P3H3: variants seen among roughly 807,000 people sequenced by gnomAD.
P3H3 encodes the protein prolyl 3-hydroxylase 3.
A neutral mutation model predicts 78.1 loss-of-function variants in P3H3; 64 were observed. That is an observed-to-expected ratio of 0.82 (90% CI 0.67 to 1.01). P3H3 has a LOEUF of 1.01. Among genes scored for constraint, P3H3 ranks in the 50% least tolerant of loss-of-function variants. P3H3 has a pLI of 0.00. For missense variants in P3H3, 975 were observed against 982.2 expected (o/e 0.99, Z 0.10); for synonymous variants, 425 against 416.7 (o/e 1.02, Z -0.24).
rs782738748 is a variant in P3H3 at position 6,831,519 on chromosome 12, C to T, written c.1122+167C>T. ...TTCCGTCTCCACTCCCTGCTCCCCACGGCAGCCTGGAGTTCCGATTCCAGC... is the reference window on the plus strand; with the variant it reads ...TTCCGTCTCCACTCCCTGCTCCCCATGGCAGCCTGGAGTTCCGATTCCAGC... On this transcript the variant is annotated intron_variant, in intron 5 of 14. Transcript: ENST00000290510. The surrounding 1 kb of genome is among the most constrained non-coding windows in gnomAD (Gnocchi z 4.6). 2.0e-5 allele frequency among the ~76,000 whole-genome samples: 3 copies of T among 152,070 alleles called. No homozygotes were observed. Among genetic ancestry groups the T allele is most frequent in the East Asian group, 1.9e-4 (1 of 5,196 alleles).
rs373115357 is a variant in P3H3 at position 6,833,555 on chromosome 12, C to T, written c.1213-37C>T. The T allele has an allele frequency of 3.1e-5, 50 of 1,603,324 alleles. No homozygotes were observed. In the African/African-American group the frequency reaches 6.0e-4, roughly 19 times the overall value. On this transcript the variant is annotated intron_variant, in intron 6 of 14. Coordinates refer to ENST00000290510, the MANE Select transcript of P3H3 (RefSeq NM_014262.5). The stretch of plus-strand genomic sequence containing the variant: ...TAATGTCAGGGATTCCAGGGGCTGA[C>T]CTTGGTGGGTGATGATGCTTTTCTG...
At position 6,828,438 on chromosome 12, in the gene P3H3, A is replaced by G. The variant is rs1428229886; in HGVS notation, c.-3A>G. The G allele has an allele frequency of 7.8e-5, 56 of 717,056 alleles. No individual in the cohort carries two copies. Among genetic ancestry groups the G allele is most frequent in the Middle Eastern group, 7.4e-4 (2 of 2,710 alleles). The allele number at this position is 717,056 out of a possible 1,614,324, so 44.4% of individuals were successfully genotyped here. A position where few individuals can be genotyped will look rare whatever the true frequency, so the allele number is the denominator to read the frequency against. Reference sequence around the variant, plus strand: ...CCCCTCGGCTGCCGGCGGCTCCGACATCATGCTCCGGCTCCTCCGGCCGCT... The same window carrying G: ...CCCCTCGGCTGCCGGCGGCTCCGACGTCATGCTCCGGCTCCTCCGGCCGCT... On this transcript the variant is annotated 5_prime_UTR_variant, in exon 1 of 15. Transcript: ENST00000290510.
intron 10 of P3H3, 128 bp downstream of exon 10, chr12:6,837,214 C>A: frequency 1.0e-6 from 1 of 998,486 alleles, no homozygotes; most frequent in Non-Finnish European, 1.5e-6. Flanking sequence ...CCTGATAGGA[C>A]CCAGCGTGGA....
Position 6,839,097 on chromosome 12 carries a change from C to G in P3H3, c.2003C>G (p.Ala668Gly). 6.2e-7 allele frequency: 1 copy of G among 1,609,592 alleles called. No homozygotes were observed. Among genetic ancestry groups the G allele is most frequent in the East Asian group, 2.2e-5 (1 of 44,858 alleles). ...VWAVTRGRRCALALWHTWAPE... is the reference protein window; with the variant it reads ...VWAVTRGRRCGLALWHTWAPE... ...GCCGTGACTCGGGGACGGCGCTGTG[C>G]CCTGGCACTGTGGCACACGTGGGCA... Residue 668 changes from alanine to glycine, a missense_variant, in exon 14 of 15, where the codon GCC becomes GGC. Ala to Gly is a moderately conservative substitution (Grantham distance 60, BLOSUM62 0). Coordinates refer to ENST00000290510, the MANE Select transcript of P3H3 (RefSeq NM_014262.5).
Position 6,837,417 on chromosome 12 carries a change from C to T in P3H3, c.1561-6C>T, listed in dbSNP as rs782436902. 1 of 1,608,368 alleles carries T rather than the reference C, an allele frequency of 6.2e-7. No individual in the cohort carries two copies. Among genetic ancestry groups the T allele is most frequent in the Admixed American group, 1.7e-5 (1 of 59,148 alleles). On this transcript the variant is annotated splice_region_variant and splice_polypyrimidine_tract_variant and intron_variant, in intron 10 of 14. Coordinates refer to ENST00000290510, the MANE Select transcript of P3H3 (RefSeq NM_014262.5). ...CCTTTTCTGCCCTGCCTTTCACTGC[C>T]TGCAGCTGGCCCGGGCTGGGACAGT...
At position 6,829,404 on chromosome 12, in the gene P3H3, G is replaced by A. The variant is rs1943422456; in HGVS notation, c.499-455G>A. On this transcript the variant is annotated intron_variant, in intron 1 of 14. Coordinates refer to ENST00000290510, the MANE Select transcript of P3H3 (RefSeq NM_014262.5). The surrounding 1 kb of genome is among the most constrained non-coding windows in gnomAD (Gnocchi z 5.1). ...CCTCCGAGGCCAGACCTCTGCGGGC[G>A]GGGAGGGGACAGCACGCCGCAGCCG... The A allele has an allele frequency of 4.3e-6, 1 of 233,856 alleles. No homozygotes were observed. The highest frequency in any genetic ancestry group is 2.3e-5 in the African/African-American group (1 of 42,710). The allele number at this position is 233,856 out of a possible 1,614,324, so 14.5% of individuals were successfully genotyped here.
rs1471031478 is a variant in P3H3, at chr12:6,828,851, C to T, written c.411C>T (p.Gly137=). ...CAGCACGGAGGCTGGGCCCCGGGGGCGCGGCGCGGCTTCGCGTGGGGAGCG... is the reference window on the plus strand; with the variant it reads ...CAGCACGGAGGCTGGGCCCCGGGGGTGCGGCGCGGCTTCGCGTGGGGAGCG... The part of the protein sequence containing the change: ...QCAARRLGPG[G]AARLRVGSAL... Residue 137 remains glycine (G), a synonymous_variant, in exon 1 of 15, where the codon GGC becomes GGT. Transcript: ENST00000290510. The T allele has an allele frequency of 4.8e-6, 6 of 1,245,184 alleles. No individual in the cohort carries two copies. The highest frequency in any genetic ancestry group is 6.0e-6 in the Non-Finnish European group (6 of 994,610). The allele number at this position is 1,245,184 out of a possible 1,614,324, so 77.1% of individuals were successfully genotyped here.
Position 6,833,988 on chromosome 12 carries a change from G to C in P3H3, c.1397G>C (p.Arg466Pro). 6.2e-7 allele frequency: 1 copy of C among 1,613,852 alleles called. No homozygotes were observed. Among genetic ancestry groups the C allele is most frequent in the Non-Finnish European group, 8.5e-7 (1 of 1,179,884 alleles). Reference protein sequence around the residue: ...QDSRQLNGSERAVLDGLLTPA... With the variant: ...QDSRQLNGSEPAVLDGLLTPA... ...TCCAGGCAGCTGAATGGGTCGGAGCGGGCGGTGTTGGATGGGCTGCTCACC... is the reference window on the plus strand; with the variant it reads ...TCCAGGCAGCTGAATGGGTCGGAGCCGGCGGTGTTGGATGGGCTGCTCACC... Residue 466 changes from arginine to proline, a missense_variant, in exon 9 of 15, where the codon CGG becomes CCG. Arg to Pro is a moderately radical substitution (Grantham distance 103). Transcript: ENST00000290510.
rs1462035333 is a variant in P3H3, at chr12:6,831,712, CG to C, written c.1123-107del. 1.5e-5 allele frequency: 11 copies of C among 739,142 alleles called. No individual in the cohort carries two copies. The East Asian group carries it at 2.7e-4, about 18-fold the overall frequency. 45.8% of individuals were successfully genotyped at this position (739,142 alleles called of 1,614,324 possible). A position where few individuals can be genotyped will look rare whatever the true frequency, so the allele number is the denominator to read the frequency against. On this transcript the variant is annotated intron_variant, in intron 5 of 14. Coordinates refer to ENST00000290510, the MANE Select transcript of P3H3 (RefSeq NM_014262.5). The surrounding 1 kb of genome is among the most constrained non-coding windows in gnomAD (Gnocchi z 4.6). ...GAGGGGGAACGTTGAACAGAGGAACCGGGGGGCATGGTGCCAGGTTCAAGGA... is the reference window on the plus strand; with the variant it reads ...GAGGGGGAACGTTGAACAGAGGAACCGGGGGCATGGTGCCAGGTTCAAGGA...
chr12:6,837,409 TTCAC>T lies in P3H3; in HGVS notation c.1561-12_1561-9del, dbSNP rs1555122317. 6.2e-7 allele frequency: 1 copy of T among 1,605,356 alleles called. No homozygotes were observed. Among genetic ancestry groups the T allele is most frequent in the East Asian group, 2.2e-5 (1 of 44,566 alleles). On this transcript the variant is annotated splice_polypyrimidine_tract_variant and intron_variant, in intron 10 of 14. Coordinates refer to ENST00000290510, the MANE Select transcript of P3H3 (RefSeq NM_014262.5). ...GCCTTCCTCCTTTTCTGCCCTGCCT[TTCAC>T]TGCCTGCAGCTGGCCCGGGCTGGGA...
intron 2 of P3H3, 147 bp from the exon 3 acceptor site, chr12:6,830,206 T>C: frequency 9.8e-7 from 1 of 1,024,698 alleles, no homozygotes; most frequent in Non-Finnish European, 1.4e-6. Flanking sequence ...TCTAACATTA[T>C]GATTCTGAGG....
Position 6,831,341 on chromosome 12 carries a change from G to A in P3H3, c.1111G>A (p.Gly371Arg), listed in dbSNP as rs782134510. ...AQLGEPRPGLGPREDIQRFIL... is the reference protein window; with the variant it reads ...AQLGEPRPGLRPREDIQRFIL... ...GCTGGGAGAGCCGAGACCTGGCCTC[G>A]GACCCAGAGAGGTAATCCCCTCTCC... Residue 371 changes from glycine (G) to arginine (R), a missense_variant, in exon 5 of 15, where the codon GGA becomes AGA. Coordinates refer to ENST00000290510, the MANE Select transcript of P3H3 (RefSeq NM_014262.5). This position sits in a 1 kb window ranked among gnomAD's most constrained non-coding sequence, Gnocchi z 4.6. 4.7e-5 allele frequency: 76 copies of A among 1,613,624 alleles called. No individual in the cohort carries two copies. The East Asian group carries it at 7.1e-4, about 15-fold the overall frequency.
At position 6,837,101 on chromosome 12, in the gene P3H3, C is replaced by T. The variant is rs541154878; in HGVS notation, c.1560+15C>T. 5 of 1,589,882 alleles carry T rather than the reference C, an allele frequency of 3.1e-6. No individual in the cohort carries two copies. Among genetic ancestry groups the T allele is most frequent in the African/African-American group, 2.7e-5 (2 of 74,786 alleles). ...AGGCTGCGCAGGTGAGCACAGGAGG[C>T]ACCCGGGCCCGTCTGATGCCCAGAC... is the stretch of plus-strand genomic sequence containing the variant. On this transcript the variant is annotated intron_variant, in intron 10 of 14. Transcript: ENST00000290510.
At position 6,831,187 on chromosome 12, in the gene P3H3, A is replaced by T. The variant is rs1408267564; in HGVS notation, c.986-29A>T. 6.2e-7 allele frequency: 1 copy of T among 1,613,110 alleles called. No individual in the cohort carries two copies. The highest frequency in any genetic ancestry group is 2.2e-5 in the East Asian group (1 of 44,858). On this transcript the variant is annotated intron_variant, in intron 4 of 14. Coordinates refer to ENST00000290510, the MANE Select transcript of P3H3 (RefSeq NM_014262.5). This position sits in a 1 kb window ranked among gnomAD's most constrained non-coding sequence, Gnocchi z 4.6. ...AATGTGCTCTAAGTATTCATCCCCCAACCCCTGACCTTGTCGCTCCCTCTC... is the reference window on the plus strand; with the variant it reads ...AATGTGCTCTAAGTATTCATCCCCCTACCCCTGACCTTGTCGCTCCCTCTC...
At chr12:6,835,595 T>A (rs1555122007) in intron 9 of P3H3, among the ~76,000 whole-genome samples, 1 of 151,700 alleles carries the variant, frequency 6.6e-6, no homozygotes, top group Non-Finnish European at 1.5e-5. Context: ...GAAAAATAAA[T>A]TTTTTTAAAT....
chr12:6,837,466 T>A lies in P3H3; in HGVS notation c.1604T>A (p.Leu535His). Reference sequence around the variant, plus strand: ...GTGGGCAGTCAGGGTGCTAAGCTGCTTCTGGAGGTGAGCGAGCGGGTGCGG... The same window carrying A: ...GTGGGCAGTCAGGGTGCTAAGCTGCATCTGGAGGTGAGCGAGCGGGTGCGG... The part of the protein sequence containing the change: ...GTVGSQGAKL[L>H]LEVSERVRTL... Residue 535 changes from leucine (L) to histidine (H), a missense_variant, in exon 11 of 15, where the codon CTT becomes CAT. Leu to His is a moderately conservative substitution (Grantham distance 99). Coordinates refer to ENST00000290510, the MANE Select transcript of P3H3 (RefSeq NM_014262.5). 6.2e-7 allele frequency: 1 copy of A among 1,612,026 alleles called. No homozygotes were observed. Among genetic ancestry groups the A allele is most frequent in the Non-Finnish European group, 8.5e-7 (1 of 1,179,208 alleles).
In P3H3 at chr12:6,838,018, C is replaced by T. The variant is rs1200717104; in HGVS notation, c.1890C>T (p.Asn630=). The T allele has an allele frequency of 8.1e-6, 13 of 1,606,518 alleles. No homozygotes were observed. The highest frequency in any genetic ancestry group is 1.7e-5 in the Admixed American group (1 of 59,016). ...GGGACCTGTTCTTCACGGAGCCCAA[C>T]GCCCTCACTGTCACGGTGCGTGGAG... is the stretch of plus-strand genomic sequence containing the variant. ...QGGDLFFTEP[N]ALTVTARVRP... is the part of the protein sequence containing the mutation. The change falls in exon 13 of 15, where the codon AAC becomes AAT. Residue 630 remains asparagine (N), a synonymous_variant. Transcript: ENST00000290510.
intron 10 of P3H3, 129 bp downstream of exon 10, chr12:6,837,215 C>T (rs782760635): frequency 2.0e-6 from 2 of 1,000,774 alleles, no homozygotes; most frequent in Admixed American, 2.4e-5. Context: ...CTGATAGGAC[C>T]CAGCGTGGAG....
At position 6,835,865 on chromosome 12, in the gene P3H3, T is replaced by G. The variant is rs559985782; in HGVS notation, c.1459-1120T>G. ...GGTCTGGAGTCACCTGTAGGAGTGGTAGAGCCCTCTAGTGGCAGTCTGTAG... is the reference window on the plus strand; with the variant it reads ...GGTCTGGAGTCACCTGTAGGAGTGGGAGAGCCCTCTAGTGGCAGTCTGTAG... On this transcript the variant is annotated intron_variant, in intron 9 of 14. Transcript: ENST00000290510. 5.2e-4 allele frequency among the ~76,000 whole-genome samples: 79 copies of G among 152,132 alleles called. No homozygotes were observed. In the South Asian group the frequency reaches 0.016, roughly 30 times the overall value.
Sources: allele counts gnomAD v4.1 joint callset (sites outside exome capture counted in the v4.1 genomes callset), GRCh38; gene constraint gnomAD v4.1.1; non-coding constraint Gnocchi (gnomAD v3.1); transcripts MANE v1.5; gene names NCBI Gene and HGNC (gene_info 2026-07-23, HGNC 2026-07-21).